Variants in APBB2 observed in about 807,000 individuals in gnomAD.
APBB2 encodes amyloid beta precursor protein binding family B member 2, also known as Fe65-like 1.
APBB2 carries 38 observed loss-of-function variants against 82.5 expected under a neutral mutation model. The ratio of observed to expected loss-of-function variants is 0.46; its 90% confidence interval spans 0.36 to 0.60. The LOEUF is 0.60. Among genes scored for constraint, APBB2 ranks in the 20% least tolerant of loss-of-function variants. The pLI is 0.00. For missense variants in APBB2, 772 were observed against 972.3 expected, an observed-to-expected ratio of 0.79 and a Z score of 2.74; for synonymous variants, 341 against 368.2, an observed-to-expected ratio of 0.93 and a Z score of 0.85.
chr4:41,023,736 T>C (rs1013439396), intron 5 of APBB2, among the ~76,000 whole-genome samples: 1 of 152,192 alleles, frequency 6.6e-6, no homozygotes, highest in Non-Finnish European at 1.5e-5. Flanking sequence ...AGAATTAATA[T>C]AATTAAAATG....
At chr4:41,079,429 T>C (rs1313726262) in intron 3 of APBB2, among the ~76,000 whole-genome samples, 1 of 152,350 alleles carries the variant, frequency 6.6e-6, no homozygotes, top group East Asian at 1.9e-4. Flanking sequence ...TTCATAAGAT[T>C]TCAAAGCAGA....
rs748973343 is a variant in APBB2 at position 40,816,198 on chromosome 4, G to A, written c.2174C>T (p.Pro725Leu). The change falls in exon 18 of 18, where the codon CCG (proline) becomes CTG (leucine). Residue 725 changes from proline to leucine, a missense_variant. By Grantham distance (98) the Pro-to-Leu change is moderately conservative. Transcript: ENST00000508593. ...TCTTCTGGTTACTGAATCTGCTGGCGGTGGAGGTGGTCGAACTTTCTGAGA... is the reference window on the plus strand; with the variant it reads ...TCTTCTGGTTACTGAATCTGCTGGCAGTGGAGGTGGTCGAACTTTCTGAGA... ...PPSQKVRPPP[P>L]PADSVTRRVT... is the part of the protein sequence containing the mutation. 1.4e-5 allele frequency: 23 copies of A among 1,614,090 alleles called. No homozygotes were observed. In the South Asian group the frequency reaches 1.6e-4, roughly 12 times the overall value.
intron 6 of APBB2, among the ~76,000 whole-genome samples, chr4:40,962,764 G>A (rs908387291): frequency 1.3e-5 from 2 of 152,068 alleles, no homozygotes; most frequent in Non-Finnish European, 2.9e-5. Flanking sequence ...TTCAGGTGGG[G>A]GTTGGGGAGT....
intron 12 of APBB2, among the ~76,000 whole-genome samples, chr4:40,852,275 C>T (rs1159929984): frequency 2.7e-5 from 4 of 149,604 alleles, no homozygotes; most frequent in South Asian, 4.2e-4. Flanking sequence ...CGCTTGAACC[C>T]GGGAGGCGAA....
chr4:40,933,320 G>C (rs1171048253), intron 10 of APBB2, among the ~76,000 whole-genome samples: 2 of 152,120 alleles, frequency 1.3e-5, no homozygotes, highest in Admixed American at 6.5e-5. Context: ...TCAGCTGCTG[G>C]ACAGATGCAC....
At position 40,829,804 on chromosome 4, in the gene APBB2, T is replaced by C. The variant is rs1000478599; in HGVS notation, c.1644+659A>G. Among the ~76,000 whole-genome samples, 270 of 152,250 alleles carry C rather than the reference T, an allele frequency of 1.8e-3. 3 individuals carry two copies. The East Asian group carries it at 0.02, about 12-fold the overall frequency. ...GAGGCTGTGACTCTGGTTAAGGAAGTCTCACTAGCATGAGACCACAGTCTT... is the reference window on the plus strand; with the variant it reads ...GAGGCTGTGACTCTGGTTAAGGAAGCCTCACTAGCATGAGACCACAGTCTT... On this transcript the variant is annotated intron_variant, in intron 13 of 17. Coordinates refer to ENST00000508593, the MANE Select transcript of APBB2 (RefSeq NM_004307.2).
intron 10 of APBB2, among the ~76,000 whole-genome samples, 194 bp from the exon 11 acceptor site, chr4:40,893,605 TA>T (rs10714456): frequency 0.46 from 70,548 of 152,030 alleles, 16,429 homozygotes; most frequent in East Asian, 0.62. Context: ...TTTTGCTATT[TA>T]AAAAAATGTA....
At chr4:41,054,807 G>A (rs1175319882) in intron 4 of APBB2, among the ~76,000 whole-genome samples, 1 of 151,764 alleles carries the variant, frequency 6.6e-6, no homozygotes, top group South Asian at 2.1e-4. Context: ...CTATTCCCCA[G>A]GCAGAAAAGC....
At chr4:41,169,248 G>C (rs948354642) in intron 1 of APBB2, among the ~76,000 whole-genome samples, 2 of 151,158 alleles carry the variant, frequency 1.3e-5, no homozygotes, top group Non-Finnish European at 2.9e-5. Context: ...AGAGCACAGA[G>C]AGGGAGGTAA....
chr4:41,027,824 G>A (rs1715067350), intron 5 of APBB2, among the ~76,000 whole-genome samples: 1 of 152,218 alleles, frequency 6.6e-6, no homozygotes, highest in Non-Finnish European at 1.5e-5. Context: ...GCATAAAGGT[G>A]GTTCTCTTGG....
intron 3 of APBB2, among the ~76,000 whole-genome samples, chr4:41,069,277 T>A (rs1733016231): frequency 6.6e-6 from 1 of 152,228 alleles, no homozygotes. Context: ...ACAGTAGTTA[T>A]GCCATCCCAC....
chr4:41,184,010 G>A (rs1208733097), intron 1 of APBB2, among the ~76,000 whole-genome samples: 1 of 151,894 alleles, frequency 6.6e-6, no homozygotes, highest in East Asian at 1.9e-4. Context: ...CCATCTGGGA[G>A]TGATGGGAGA....
intron 2 of APBB2, among the ~76,000 whole-genome samples, chr4:41,101,888 G>C (rs1442748929): frequency 6.6e-6 from 1 of 151,864 alleles, no homozygotes; most frequent in East Asian, 1.9e-4. Context: ...GAACCCGGGA[G>C]GCGGAAGTTG....
intron 3 of APBB2, among the ~76,000 whole-genome samples, chr4:41,072,803 G>A (rs1734328908): frequency 6.6e-6 from 1 of 152,208 alleles, no homozygotes; most frequent in Non-Finnish European, 1.5e-5. Context: ...TTGCCCTGAT[G>A]TGAACAATCT....
At chr4:41,018,405 G>A (rs1810594112) in intron 5 of APBB2, among the ~76,000 whole-genome samples, 1 of 152,182 alleles carries the variant, frequency 6.6e-6, no homozygotes, top group Admixed American at 6.5e-5. Context: ...GGGTTGGAGA[G>A]GATCTTCAGG....
At chr4:40,933,653 C>T (rs762450371) in intron 10 of APBB2, among the ~76,000 whole-genome samples, 1 of 152,240 alleles carries the variant, frequency 6.6e-6, no homozygotes, top group African/African-American at 2.4e-5. Flanking sequence ...GAAGTCTCTA[C>T]GTAGGGAGGG....
At chr4:41,014,665 G>A (rs1159642301) in intron 5 of APBB2, among the ~76,000 whole-genome samples, 2 of 152,130 alleles carry the variant, frequency 1.3e-5, no homozygotes, top group Non-Finnish European at 2.9e-5. Flanking sequence ...AAATAAAAAA[G>A]CATTTCTCTT....
intron 10 of APBB2, among the ~76,000 whole-genome samples, chr4:40,928,571 T>A (rs1783274681): frequency 7.8e-6 from 1 of 128,536 alleles, no homozygotes; most frequent in Non-Finnish European, 1.7e-5. Context: ...AGAGCGACAC[T>A]CTGTCTCAAA....
intron 6 of APBB2, among the ~76,000 whole-genome samples, chr4:41,012,597 C>CT (rs1444351672): frequency 3.3e-5 from 5 of 152,038 alleles, no homozygotes; most frequent in African/African-American, 9.7e-5. Context: ...AAGTTAATGT[C>CT]TTAACTCCTC....
Sources: gnomAD v4.1 joint callset for allele counts (sites outside exome capture counted in the v4.1 genomes callset) on GRCh38, gnomAD v4.1.1 for gene constraint, MANE v1.5 for transcripts, NCBI Gene and HGNC (gene_info 2026-07-23, HGNC 2026-07-21) for gene names.